SAMD4A: variants seen among roughly 807,000 people sequenced by gnomAD.
SAMD4A encodes sterile alpha motif domain containing 4A.
A neutral mutation model predicts 81.3 loss-of-function variants in SAMD4A; 33 were observed. The ratio of observed to expected loss-of-function variants is 0.41; its 90% CI spans 0.31 to 0.54. The LOEUF is 0.54. SAMD4A is among the 20% of genes least tolerant of loss of function. SAMD4A has a pLI of 0.37. For synonymous variants in SAMD4A, 389 were observed against 382.1 expected, an observed-to-expected ratio of 1.02 and a Z score of -0.21; for missense variants, 854 against 951.1, an observed-to-expected ratio of 0.90 and a Z score of 1.34.
chr14:54,589,799 G>T (rs1196351293), intron 2 of SAMD4A, among the ~76,000 whole-genome samples: 1 of 152,046 alleles, frequency 6.6e-6, no homozygotes, highest in Non-Finnish European at 1.5e-5. Flanking sequence ...TTCATATAAG[G>T]CAGGAGTTCC....
At chr14:54,714,199 C>T (rs1040753328) in intron 3 of SAMD4A, among the ~76,000 whole-genome samples, 5 of 152,128 alleles carry the variant, frequency 3.3e-5, no homozygotes, top group Admixed American at 2.0e-4. Context: ...ACCCTTAATA[C>T]GTTACTGTCT....
At chr14:54,727,497 C>G (rs780231556) in intron 3 of SAMD4A, among the ~76,000 whole-genome samples, 15 of 151,878 alleles carry the variant, frequency 9.9e-5, no homozygotes, top group Non-Finnish European at 1.9e-4. Context: ...CCTTGGGGGC[C>G]ATTTTAAATG....
intron 4 of SAMD4A, among the ~76,000 whole-genome samples, chr14:54,742,684 G>C (rs538023052): frequency 2.6e-5 from 4 of 152,152 alleles, no homozygotes; most frequent in Non-Finnish European, 5.9e-5. Flanking sequence ...CAGCCTCACT[G>C]TTACGAATCA....
intron 4 of SAMD4A, among the ~76,000 whole-genome samples, chr14:54,738,596 C>T (rs570603121): frequency 5.3e-5 from 8 of 152,302 alleles, no homozygotes; most frequent in Admixed American, 3.9e-4. Context: ...TGTATGTCCT[C>T]TTTCTACTTC....
intron 3 of SAMD4A, among the ~76,000 whole-genome samples, chr14:54,718,037 C>T (rs1044514763): frequency 1.3e-5 from 2 of 152,110 alleles, no homozygotes; most frequent in African/African-American, 4.8e-5. Context: ...TAGAGCTATT[C>T]TCTTGCTCCT....
At chr14:54,626,057 T>TGCGCGC (rs71446502) in intron 2 of SAMD4A, among the ~76,000 whole-genome samples, 143 of 105,786 alleles carry the variant, frequency 1.4e-3, no homozygotes, top group Non-Finnish European at 1.9e-3. Flanking sequence ...TGTGTGTGTG[T>TGCGCGC]GTGCGCGCGC....
intron 4 of SAMD4A, among the ~76,000 whole-genome samples, chr14:54,741,386 A>G (rs761440826): frequency 6.6e-6 from 1 of 152,246 alleles, no homozygotes; most frequent in Non-Finnish European, 1.5e-5. Flanking sequence ...ACACGCTAAG[A>G]CTTAACAAAA....
chr14:54,784,743 G>A (rs2039090761), intron 12 of SAMD4A, 123 bp downstream of exon 12: 6 of 876,660 alleles, frequency 6.8e-6, no homozygotes, highest in Non-Finnish European at 1.1e-5. Context: ...GGAGGGGTAG[G>A]CAGGGGACAG....
In SAMD4A at chr14:54,769,089, C is replaced by T. The variant is rs2038634643; in HGVS notation, c.1597-1015C>T. On this transcript the variant is annotated intron_variant, in intron 8 of 12. Transcript: ENST00000554335. The stretch of plus-strand genomic sequence containing the variant: ...AATCAATCAAATCACATGGATTTCC[C>T]ACAGCACGTGTTCTAAGTTACAGTT... Among the ~76,000 whole-genome samples, 5 of 152,206 alleles carry T rather than the reference C, an allele frequency of 3.3e-5. No homozygotes were observed. The South Asian group carries it at 1.0e-3, about 32-fold the overall frequency.
intron 2 of SAMD4A, among the ~76,000 whole-genome samples, chr14:54,686,203 G>A (rs2036264242): frequency 6.6e-6 from 1 of 152,174 alleles, no homozygotes; most frequent in African/African-American, 2.4e-5. Flanking sequence ...GGGTGAGGAT[G>A]GGGAGTGCTG....
intron 3 of SAMD4A, among the ~76,000 whole-genome samples, chr14:54,706,365 G>A (rs929544052): frequency 1.3e-5 from 2 of 151,534 alleles, no homozygotes; most frequent in African/African-American, 4.8e-5. Context: ...AGCACTTTGG[G>A]AGGCCAAGGT....
rs541930842 is a variant in SAMD4A, at chr14:54,626,083, C to T, written c.196+57971C>T. 3.0e-3 allele frequency among the ~76,000 whole-genome samples: 431 copies of T among 146,092 alleles called. 3 individuals are homozygous for T. Among genetic ancestry groups the T allele is most frequent in the African/African-American group, 0.011 (411 of 39,130 alleles). ...GTGCGCGCGCGCGCGCGCGAGTGCG[C>T]ACATGTGCATGCATGAGGGACAGAA... On this transcript the variant is annotated intron_variant, in intron 2 of 12. Coordinates refer to ENST00000554335, the MANE Select transcript of SAMD4A (RefSeq NM_015589.6).
chr14:54,735,015 A>T (rs1271002058), intron 3 of SAMD4A: 4 of 152,258 alleles, frequency 2.6e-5, no homozygotes, highest in Admixed American at 2.6e-4. Context: ...CAGTCAAAGC[A>T]TCCACCAGAT....
intron 3 of SAMD4A, among the ~76,000 whole-genome samples, chr14:54,724,000 G>GGAAGGAA (rs2037332116): frequency 2.7e-5 from 3 of 110,154 alleles, no homozygotes; most frequent in Non-Finnish European, 4.0e-5. Context: ...TTGGATGGAT[G>GGAAGGAA]GATGGATGGA....
At position 54,739,751 on chromosome 14, in the gene SAMD4A, C is replaced by G. The variant is rs184576887; in HGVS notation, c.979+2464C>G. Among the ~76,000 whole-genome samples the G allele has an allele frequency of 2.0e-5, 3 of 152,328 alleles. No homozygotes were observed. The East Asian group carries it at 5.8e-4, about 29-fold the overall frequency. ...GACTCTTCCGCCACCAGATGTTATT[C>G]AAAACGACTTCCTATGAGTGCACCC... On this transcript the variant is annotated intron_variant, in intron 4 of 12. Coordinates refer to ENST00000554335, the MANE Select transcript of SAMD4A (RefSeq NM_015589.6).
At chr14:54,580,900 A>G (rs1274825571) in intron 2 of SAMD4A, among the ~76,000 whole-genome samples, 1 of 152,220 alleles carries the variant, frequency 6.6e-6, no homozygotes, top group Non-Finnish European at 1.5e-5. Flanking sequence ...GTAATCCACA[A>G]GGGGTTTACC....
intron 2 of SAMD4A, among the ~76,000 whole-genome samples, chr14:54,699,286 C>T (rs542144507): frequency 8.5e-5 from 13 of 152,260 alleles, no homozygotes; most frequent in Middle Eastern, 3.4e-3. Flanking sequence ...TGCCTCTCAG[C>T]GCTACTTTAA....
chr14:54,719,670 G>T (rs941261625), intron 3 of SAMD4A, among the ~76,000 whole-genome samples: 2 of 152,170 alleles, frequency 1.3e-5, no homozygotes, highest in African/African-American at 4.8e-5. Context: ...ACATGGTGGC[G>T]TGAGACTGAC....
At chr14:54,762,864 T>TC (rs1301690837) in intron 7 of SAMD4A, among the ~76,000 whole-genome samples, 1 of 151,544 alleles carries the variant, frequency 6.6e-6, no homozygotes, top group African/African-American at 2.4e-5. Flanking sequence ...TTCACTTTTT[T>TC]TTTTTTTTGA....
Sources: gnomAD v4.1 joint callset for allele counts (sites outside exome capture counted in the v4.1 genomes callset) on GRCh38, gnomAD v4.1.1 for gene constraint, MANE v1.5 for transcripts, NCBI Gene and HGNC (gene_info 2026-07-23, HGNC 2026-07-21) for gene names.